The following GAL3ST2 variants were observed in gnomAD, a reference collection of about 807,000 sequenced individuals.
GAL3ST2 encodes the protein galactose-3-O-sulfotransferase 2.
GAL3ST2 carries 16 observed loss-of-function variants against 12.9 expected under a neutral mutation model. The observed-to-expected ratio is 1.24, with a 90% CI of 0.84 to 1.88. The LOEUF is 1.88. Ranked by LOEUF, GAL3ST2 falls within the 40% of genes most tolerant of loss-of-function variation. The pLI is 0.00. For synonymous variants in GAL3ST2, 302 were observed against 273.9 expected (o/e 1.10, Z -1.01); for missense variants, 639 against 571.8 (o/e 1.12, Z -1.20).
In GAL3ST2 at chr2:241,800,726, C is replaced by T. The variant is rs186384151; in HGVS notation, c.120-1055C>T. On this transcript the variant is annotated intron_variant, in intron 2 of 3. Transcript: ENST00000192314. The surrounding 1 kb of genome is among the most constrained non-coding windows in gnomAD (Gnocchi z 5.2). ...GCTGGGGGAGCAGGGGTCAGCGAGGCAGCGTCTGGCAGCGGGTGAGCTGCA... is the reference window on the plus strand; with the variant it reads ...GCTGGGGGAGCAGGGGTCAGCGAGGTAGCGTCTGGCAGCGGGTGAGCTGCA... 1.3e-5 allele frequency among the ~76,000 whole-genome samples: 2 copies of T among 152,320 alleles called. No homozygotes were observed. Among genetic ancestry groups the T allele is most frequent in the African/African-American group, 4.8e-5 (2 of 41,576 alleles).
At chr2:241,780,381 T>C (rs796439991) in intron 1 of GAL3ST2, among the ~76,000 whole-genome samples, 6 of 152,116 alleles carry the variant, frequency 3.9e-5, no homozygotes, top group African/African-American at 1.4e-4. Flanking sequence ...TAGCTGGGCA[T>C]GATGGTGGAC....
At chr2:241,799,032 G>A (rs532808476) in intron 1 of GAL3ST2, 33 bp from the exon 2 acceptor site, 47 of 1,581,536 alleles carry the variant, frequency 3.0e-5, no homozygotes, top group African/African-American at 1.3e-4. Flanking sequence ...GGCACGACCC[G>A]GACTGGGCAC....
chr2:241,782,271 A>G (rs1287192293), intron 1 of GAL3ST2, among the ~76,000 whole-genome samples: 1 of 152,100 alleles, frequency 6.6e-6, no homozygotes, highest in Non-Finnish European at 1.5e-5. Context: ...CTCTTCTGTG[A>G]TTGTCCCTGG....
rs1699863756 is a variant in GAL3ST2, at chr2:241,802,324, A to C, written c.375+288A>C. Among the ~76,000 whole-genome samples the C allele has an allele frequency of 6.6e-6, 1 of 152,150 alleles. No individual in the cohort carries two copies. The highest frequency in any genetic ancestry group is 2.4e-5 in the African/African-American group (1 of 41,436). ...CTTCTCTGGCCTCCTAGTTGTGCAC[A>C]GGCCCGGCTCTCCCCACCCTGTGAC... On this transcript the variant is annotated intron_variant, in intron 3 of 3. Coordinates refer to ENST00000192314, the MANE Select transcript of GAL3ST2 (RefSeq NM_022134.3). This position sits in a 1 kb window ranked among gnomAD's most constrained non-coding sequence, Gnocchi z 4.8.
In GAL3ST2 at chr2:241,802,032, C is replaced by T; in HGVS notation, c.371C>T (p.Pro124Leu). The change falls in exon 3 of 4, where the codon CCT (proline) becomes CTT (leucine). Residue 124 changes from proline to leucine, a missense_variant. Physicochemically the swap from Pro to Leu is moderately conservative, Grantham distance 98. Coordinates refer to ENST00000192314, the MANE Select transcript of GAL3ST2 (RefSeq NM_022134.3). This position sits in a 1 kb window ranked among gnomAD's most constrained non-coding sequence, Gnocchi z 4.8. The part of the protein sequence containing the change: ...IMCNHLRFNL[P>L]QVQKVMPNDT... ...TGCAACCACCTGAGGTTCAACCTGC[C>T]TCAGGTACCGCGGGCCTGCTGGGGA... 6.2e-7 allele frequency: 1 copy of T among 1,609,552 alleles called. No homozygotes were observed.
chr2:241,782,525 C>T (rs1699577602), intron 1 of GAL3ST2, among the ~76,000 whole-genome samples: 1 of 151,992 alleles, frequency 6.6e-6, no homozygotes. Context: ...GGAGTTTCAC[C>T]ATGTTGGCCA....
intron 1 of GAL3ST2, among the ~76,000 whole-genome samples, chr2:241,777,203 G>A (rs896541448): frequency 1.3e-5 from 2 of 152,208 alleles, no homozygotes; most frequent in African/African-American, 4.8e-5. Flanking sequence ...GGTGTTTGGG[G>A]GTTCTGGGAT....
chr2:241,791,225 T>A (rs1291087137), intron 1 of GAL3ST2, among the ~76,000 whole-genome samples: 2 of 152,194 alleles, frequency 1.3e-5, no homozygotes, highest in Non-Finnish European at 2.9e-5. Flanking sequence ...TTTGACTCTT[T>A]TTGTCGACAC....
At chr2:241,780,386 G>T (rs555537528) in intron 1 of GAL3ST2, among the ~76,000 whole-genome samples, 1 of 152,252 alleles carries the variant, frequency 6.6e-6, no homozygotes, top group Admixed American at 6.5e-5. Flanking sequence ...GGGCATGATG[G>T]TGGACGCTTG....
intron 1 of GAL3ST2, among the ~76,000 whole-genome samples, chr2:241,792,700 T>G (rs924215484): frequency 6.6e-6 from 1 of 152,132 alleles, no homozygotes; most frequent in African/African-American, 2.4e-5. Flanking sequence ...ACTCATTTTC[T>G]TCTAAAATCT....
At chr2:241,777,326 G>T (rs536774761) in intron 1 of GAL3ST2, among the ~76,000 whole-genome samples, 1 of 152,330 alleles carries the variant, frequency 6.6e-6, no homozygotes, top group East Asian at 1.9e-4. Context: ...CCCAGCCTCG[G>T]TCTGCGGCTC....
intron 1 of GAL3ST2, among the ~76,000 whole-genome samples, chr2:241,797,636 C>T (rs1699788914): frequency 6.7e-6 from 1 of 149,000 alleles, no homozygotes; most frequent in Non-Finnish European, 1.5e-5. Context: ...CAGCCCAGCC[C>T]TCCCCGCTGC....
At chr2:241,779,072 C>T (rs555086728) in intron 1 of GAL3ST2, among the ~76,000 whole-genome samples, 3 of 151,446 alleles carry the variant, frequency 2.0e-5, no homozygotes, top group Admixed American at 6.6e-5. Flanking sequence ...CACATTTCCC[C>T]CCATTTTCTC....
At position 241,785,792 on chromosome 2, in the gene GAL3ST2, AG is replaced by A. The variant is rs1699620248; in HGVS notation, c.29+8810del. 3.3e-5 allele frequency among the ~76,000 whole-genome samples: 5 copies of A among 152,332 alleles called. No homozygotes were observed. The South Asian group carries it at 1.0e-3, about 32-fold the overall frequency. On this transcript the variant is annotated intron_variant, in intron 1 of 3. Transcript: ENST00000192314. Reference sequence around the variant, plus strand: ...AAACAAAAAACTTTTGCTCAAAAAAAGGACAAGGTCCTAGGAGAGACAAAAA... The same window carrying A: ...AAACAAAAAACTTTTGCTCAAAAAAAGACAAGGTCCTAGGAGAGACAAAAA...
rs1699754035 is a variant in GAL3ST2, at chr2:241,795,029, C to T, written c.30-4036C>T. ...TAGTAAATTCCCAGTAGTGCAGCCA[C>T]AGGCTCTCCTTAAAGAATGTGTAAC... On this transcript the variant is annotated intron_variant, in intron 1 of 3. Coordinates refer to ENST00000192314, the MANE Select transcript of GAL3ST2 (RefSeq NM_022134.3). This position sits in a 1 kb window ranked among gnomAD's most constrained non-coding sequence, Gnocchi z 4.5. Among the ~76,000 whole-genome samples the T allele has an allele frequency of 6.6e-6, 1 of 152,174 alleles. No homozygotes were observed. Among genetic ancestry groups the T allele is most frequent in the Non-Finnish European group, 1.5e-5 (1 of 68,022 alleles).
intron 1 of GAL3ST2, among the ~76,000 whole-genome samples, chr2:241,797,482 A>G (rs1489479402): frequency 6.6e-6 from 1 of 152,210 alleles, no homozygotes; most frequent in Non-Finnish European, 1.5e-5. Flanking sequence ...TTTATGCAAA[A>G]ATCATCTCCT....
chr2:241,796,539 G>T (rs531689930), intron 1 of GAL3ST2, among the ~76,000 whole-genome samples: 1 of 152,164 alleles, frequency 6.6e-6, no homozygotes, highest in Non-Finnish European at 1.5e-5. Context: ...TCTGTGGTGA[G>T]CGGCTTCTGC....
At chr2:241,787,149 A>G (rs1174025910) in intron 1 of GAL3ST2, among the ~76,000 whole-genome samples, 2 of 152,084 alleles carry the variant, frequency 1.3e-5, no homozygotes, top group African/African-American at 4.8e-5. Context: ...CCCAGACCAA[A>G]CCAATGTTCA....
chr2:241,801,901 G>A lies in GAL3ST2; in HGVS notation c.240G>A (p.Leu80=), dbSNP rs142539271. The A allele has an allele frequency of 2.8e-4, 444 of 1,613,032 alleles. 1 individual carries two copies. In the African/African-American group the frequency reaches 5.5e-3, roughly 20 times the overall value. The change falls in exon 3 of 4, where the codon CTG becomes CTA. Residue 80 remains leucine, a synonymous_variant. Transcript: ENST00000192314. This position sits in a 1 kb window ranked among gnomAD's most constrained non-coding sequence, Gnocchi z 4.4. Reference sequence around the variant, plus strand: ...ACCGCTTCGCCGAGACCCACAACCTGTCCGTGGCGCTGCCCGCCGGCTCAC... The same window carrying A: ...ACCGCTTCGCCGAGACCCACAACCTATCCGTGGCGCTGCCCGCCGGCTCAC... ...ILYRFAETHN[L]SVALPAGSRV...
Sources: allele counts gnomAD v4.1 joint callset (sites outside exome capture counted in the v4.1 genomes callset), GRCh38; gene constraint gnomAD v4.1.1; non-coding constraint Gnocchi (gnomAD v3.1); transcripts MANE v1.5; gene names NCBI Gene and HGNC (gene_info 2026-07-23, HGNC 2026-07-21).